The following KHDRBS2 variants were observed in gnomAD, a reference collection of about 807,000 sequenced individuals.
The protein encoded by KHDRBS2 is KH RNA binding domain containing, signal transduction associated 2.
A neutral mutation model predicts 44.3 loss-of-function variants in KHDRBS2; 26 were observed. The observed-to-expected ratio is 0.59, with a 90% CI of 0.43 to 0.81. KHDRBS2 has a LOEUF of 0.81. Ranked by LOEUF, KHDRBS2 falls within the 40% of genes least tolerant of loss-of-function variation. KHDRBS2 has a pLI of 0.00. For synonymous variants in KHDRBS2, 194 were observed against 151.1 expected, an observed-to-expected ratio of 1.28 and a Z score of -2.08; for missense variants, 476 against 433.1, an observed-to-expected ratio of 1.10 and a Z score of -0.88.
At position 61,950,726 on chromosome 6, in the gene KHDRBS2, C is replaced by G. The variant is rs139101113; in HGVS notation, c.483+27340G>C. 1.8e-3 allele frequency among the ~76,000 whole-genome samples: 267 copies of G among 152,078 alleles called. 2 individuals carry two copies. The highest frequency in any genetic ancestry group is 6.1e-3 in the African/African-American group (253 of 41,524). ...TGATATTTTCCTGAAGCTCATTTTC[C>G]TTAAGGTGAGGCTGAATGCCAAGTC... On this transcript the variant is annotated intron_variant, in intron 4 of 8. Transcript: ENST00000281156.
intron 1 of KHDRBS2, among the ~76,000 whole-genome samples, chr6:62,248,355 A>G (rs971274933): frequency 7.3e-5 from 11 of 150,768 alleles, no homozygotes; most frequent in African/African-American, 2.2e-4. Flanking sequence ...TACTTTTATT[A>G]TTTTTTATTT....
chr6:61,976,078 C>G (rs568130129), intron 4 of KHDRBS2, among the ~76,000 whole-genome samples: 1 of 152,024 alleles, frequency 6.6e-6, no homozygotes, highest in Non-Finnish European at 1.5e-5. Context: ...GTCACACCAG[C>G]CATGGTAATA....
chr6:61,560,813 T>C, the KHDRBS2 span, among the ~76,000 whole-genome samples: 1 of 152,206 alleles, frequency 6.6e-6, no homozygotes, highest in Non-Finnish European at 1.5e-5. Flanking sequence ...GGATTGTCTC[T>C]CATGCTTTAT....
rs879493874 is a variant in KHDRBS2 at position 62,248,286 on chromosome 6, AT to A, written c.91+37571del. On this transcript the variant is annotated intron_variant, in intron 1 of 8. Transcript: ENST00000281156. Reference sequence around the variant, plus strand: ...AGGACAATAAAGGACAGCTTGTGGTATTTTAAAAAAAAAAAACTGGGGCCCA... The same window carrying A: ...AGGACAATAAAGGACAGCTTGTGGTATTTAAAAAAAAAAAACTGGGGCCCA... 3.0e-3 allele frequency among the ~76,000 whole-genome samples: 459 copies of A among 151,050 alleles called. 3 individuals are homozygous for A. Among genetic ancestry groups the A allele is most frequent in the African/African-American group, 0.011 (448 of 41,030 alleles).
chr6:61,734,281 GA>G (rs1238819140), intron 6 of KHDRBS2, among the ~76,000 whole-genome samples: 1 of 151,966 alleles, frequency 6.6e-6, no homozygotes, highest in African/African-American at 2.4e-5. Context: ...AGTTGCTATT[GA>G]GTTAAATTTT....
At chr6:61,697,347 G>C in intron 7 of KHDRBS2, 94 bp from the exon 8 acceptor site, 1 of 787,060 alleles carries the variant, frequency 1.3e-6, no homozygotes, top group South Asian at 1.4e-5. Flanking sequence ...GTGTGCTGAG[G>C]TAATATTCCA....
rs868356028 is a variant in KHDRBS2, at chr6:62,032,492, C to T, written c.336+15386G>A. The stretch of plus-strand genomic sequence containing the variant: ...ATGGCCTATTGTGGGACCTTGTGAT[C>T]GTGTGAGTTAATACTTAATAAACTC... On this transcript the variant is annotated intron_variant, in intron 3 of 8. Transcript: ENST00000281156. Among the ~76,000 whole-genome samples, 6 of 151,298 alleles carry T rather than the reference C, an allele frequency of 4.0e-5. No homozygotes were observed. The Middle Eastern group carries it at 0.01, about 265-fold the overall frequency.
At chr6:61,895,724 G>T (rs115581754) in intron 5 of KHDRBS2, among the ~76,000 whole-genome samples, 15 of 152,228 alleles carry the variant, frequency 9.9e-5, no homozygotes, top group Non-Finnish European at 1.9e-4. Context: ...TTGTCTGAAA[G>T]GTTGGCCTCT....
At chr6:61,956,392 C>A (rs188567184) in intron 4 of KHDRBS2, among the ~76,000 whole-genome samples, 1 of 152,130 alleles carries the variant, frequency 6.6e-6, no homozygotes, top group African/African-American at 2.4e-5. Flanking sequence ...GATTCACTGA[C>A]AAAATTGAAG....
At chr6:61,878,613 C>A (rs187260509) in intron 6 of KHDRBS2, among the ~76,000 whole-genome samples, 2 of 152,036 alleles carry the variant, frequency 1.3e-5, no homozygotes, top group Non-Finnish European at 2.9e-5. Flanking sequence ...TTTCTCTGGA[C>A]GTAAGCTTTC....
chr6:61,965,943 T>C (rs1769832770), intron 4 of KHDRBS2, among the ~76,000 whole-genome samples: 1 of 152,014 alleles, frequency 6.6e-6, no homozygotes, highest in Non-Finnish European at 1.5e-5. Flanking sequence ...TGAGCTACAT[T>C]TCCTGATTTT....
chr6:61,931,121 T>A (rs2127367092), intron 4 of KHDRBS2, among the ~76,000 whole-genome samples: 1 of 152,048 alleles, frequency 6.6e-6, no homozygotes, highest in African/African-American at 2.4e-5. Flanking sequence ...ATGAAAAAAA[T>A]ACTTATATTT....
intron 1 of KHDRBS2, among the ~76,000 whole-genome samples, chr6:62,242,799 T>C (rs908694634): frequency 1.3e-5 from 2 of 152,204 alleles, no homozygotes; most frequent in Non-Finnish European, 2.9e-5. Context: ...GCTTTTCTTG[T>C]TTCTTTAAAG....
chr6:61,933,829 C>T (rs1198214950), intron 4 of KHDRBS2, among the ~76,000 whole-genome samples: 1 of 152,112 alleles, frequency 6.6e-6, no homozygotes, highest in African/African-American at 2.4e-5. Flanking sequence ...ATATGGATTG[C>T]TGGATCATTT....
intron 2 of KHDRBS2, among the ~76,000 whole-genome samples, chr6:62,062,437 C>A (rs1380839475): frequency 6.6e-6 from 1 of 151,272 alleles, no homozygotes; most frequent in East Asian, 2.0e-4. Context: ...TCTCTCAGAC[C>A]ACAGTGCAAT....
chr6:62,269,598 G>T, intron 1 of KHDRBS2, among the ~76,000 whole-genome samples: 1 of 152,028 alleles, frequency 6.6e-6, no homozygotes, highest in African/African-American at 2.4e-5. Context: ...ATGTTGGCAA[G>T]GAAATGCAAC....
At chr6:61,804,743 G>A (rs1021663485) in intron 6 of KHDRBS2, among the ~76,000 whole-genome samples, 16 of 152,182 alleles carry the variant, frequency 1.1e-4, no homozygotes, top group South Asian at 2.1e-4. Flanking sequence ...TGACCTGTAC[G>A]TTGGCCCCTT....
At chr6:61,763,266 C>T (rs1005553615) in intron 6 of KHDRBS2, among the ~76,000 whole-genome samples, 6 of 152,080 alleles carry the variant, frequency 3.9e-5, no homozygotes, top group African/African-American at 1.4e-4. Flanking sequence ...GGATTTGAAA[C>T]GGGCTTTATA....
chr6:62,216,960 A>G (rs1487311798), intron 1 of KHDRBS2, among the ~76,000 whole-genome samples: 1 of 150,788 alleles, frequency 6.6e-6, no homozygotes, highest in Non-Finnish European at 1.5e-5. Flanking sequence ...AAAGATGTGA[A>G]CTAACAGACT....
Sources: allele counts gnomAD v4.1 joint callset (sites outside exome capture counted in the v4.1 genomes callset), GRCh38; gene constraint gnomAD v4.1.1; transcripts MANE v1.5; gene names NCBI Gene and HGNC (gene_info 2026-07-23, HGNC 2026-07-21).